SLC17A6: variants seen among roughly 807,000 people sequenced by gnomAD.
The protein encoded by SLC17A6 is vesicular glutamate transporter 2.
A neutral mutation model predicts 67.1 loss-of-function variants in SLC17A6; 35 were observed. The ratio of observed to expected loss-of-function variants is 0.52; its 90% CI spans 0.40 to 0.69. SLC17A6 has a LOEUF of 0.69. Among genes scored for constraint, SLC17A6 ranks in the 30% least tolerant of loss-of-function variants. The pLI, the probability that SLC17A6 is intolerant of heterozygous loss-of-function variation, is 0.00. For missense variants in SLC17A6, 588 were observed against 723.9 expected (o/e 0.81, Z 2.15); for synonymous variants, 285 against 252.3 (o/e 1.13, Z -1.23).
chr11:22,371,811 G>A (rs1012472460), intron 8 of SLC17A6, among the ~76,000 whole-genome samples: 1 of 151,732 alleles, frequency 6.6e-6, no homozygotes, highest in African/African-American at 2.4e-5. Flanking sequence ...CACACAGATT[G>A]GTCTTCAGAT....
rs148006853 is a variant in SLC17A6, at chr11:22,353,732, A to G, written c.459-5681A>G. Among the ~76,000 whole-genome samples, 69 of 152,312 alleles carry G rather than the reference A, an allele frequency of 4.5e-4. 2 individuals are homozygous for G. In the East Asian group the frequency reaches 0.011, roughly 25 times the overall value. On this transcript the variant is annotated intron_variant, in intron 3 of 11. Coordinates refer to ENST00000263160, the MANE Select transcript of SLC17A6 (RefSeq NM_020346.3). ...CATCTTCCATTTTAGCAATGTTTCT[A>G]TTCTACCCTTGCCTCTACCCTCTAT...
intron 3 of SLC17A6, among the ~76,000 whole-genome samples, chr11:22,343,577 C>A (rs956756518): frequency 6.6e-6 from 1 of 152,164 alleles, no homozygotes; most frequent in East Asian, 1.9e-4. Flanking sequence ...CTGGGACCAG[C>A]GCACGCGGCC....
At chr11:22,373,021 TATCTC>T (rs919498888) in intron 8 of SLC17A6, among the ~76,000 whole-genome samples, 6 of 152,306 alleles carry the variant, frequency 3.9e-5, no homozygotes, top group Non-Finnish European at 5.9e-5. Flanking sequence ...GTCTAAAACT[TATCTC>T]ATTAACCCTG....
intron 8 of SLC17A6, among the ~76,000 whole-genome samples, chr11:22,372,191 G>C (rs1856181757): frequency 6.6e-6 from 1 of 151,644 alleles, no homozygotes; most frequent in South Asian, 2.1e-4. Context: ...TAAGTATACT[G>C]ACTTAGTTCA....
At chr11:22,369,390 C>T (rs1001983275) in intron 7 of SLC17A6, among the ~76,000 whole-genome samples, 6 of 151,846 alleles carry the variant, frequency 4.0e-5, no homozygotes, top group African/African-American at 1.5e-4. Context: ...GCCAAAGGTA[C>T]GCTGGGGGTA....
intron 4 of SLC17A6, 51 bp downstream of exon 4, chr11:22,359,578 C>A: frequency 1.8e-6 from 2 of 1,133,766 alleles, no homozygotes; most frequent in South Asian, 1.7e-5. Context: ...TGGTTGAGAA[C>A]CACCAGTTTA....
intron 3 of SLC17A6, among the ~76,000 whole-genome samples, chr11:22,352,706 G>T (rs1372689624): frequency 6.6e-6 from 1 of 152,192 alleles, no homozygotes; most frequent in Non-Finnish European, 1.5e-5. Context: ...GTGATCTACA[G>T]TAGTTTAGCA....
At position 22,343,349 on chromosome 11, in the gene SLC17A6, C is replaced by A. The variant is rs770420321; in HGVS notation, c.442C>A (p.Arg148=). The stretch of plus-strand genomic sequence containing the variant: ...GATTCCGGGAGGCTACATCGCGTCT[C>A]GGCTGGCAGCCAACAGGTAATGCGC... ...TQIPGGYIAS[R]LAANRVFGAA... is the part of the protein sequence containing the mutation. The change falls in exon 3 of 12, where the codon CGG becomes AGG. Residue 148 remains arginine, a synonymous_variant. Transcript: ENST00000263160. 35 of 1,610,886 alleles carry A rather than the reference C, an allele frequency of 2.2e-5. No individual in the cohort carries two copies. Among genetic ancestry groups the A allele is most frequent in the Non-Finnish European group, 2.9e-5 (34 of 1,179,186 alleles).
intron 5 of SLC17A6, chr11:22,362,267 A>G (rs1856061045): frequency 4.1e-5 from 19 of 459,208 alleles, no homozygotes; most frequent in South Asian, 3.4e-4. Flanking sequence ...TATGCCTTCA[A>G]TCATGGATAC....
chr11:22,363,281 A>C, intron 6 of SLC17A6, among the ~76,000 whole-genome samples: 1 of 152,174 alleles, frequency 6.6e-6, no homozygotes, highest in East Asian at 1.9e-4. Flanking sequence ...TGACTATTCA[A>C]TTCCGTAATG....
At chr11:22,340,249 G>C (rs1178528447) in intron 1 of SLC17A6, among the ~76,000 whole-genome samples, 1 of 152,194 alleles carries the variant, frequency 6.6e-6, no homozygotes, top group Non-Finnish European at 1.5e-5. Flanking sequence ...AAAAATATCT[G>C]CAAATTGTAA....
At chr11:22,341,864 C>T (rs899171463) in intron 2 of SLC17A6, 84 bp downstream of exon 2, 17 of 1,539,118 alleles carry the variant, frequency 1.1e-5, no homozygotes, top group Non-Finnish European at 1.4e-5. Context: ...GCCCCGTTCC[C>T]CCGCCACTGA....
chr11:22,343,381 G>T lies in SLC17A6; in HGVS notation c.458+16G>T, dbSNP rs201105080. The T allele has an allele frequency of 3.1e-6, 5 of 1,587,364 alleles. No homozygotes were observed. The highest frequency in any genetic ancestry group is 1.7e-6 in the Non-Finnish European group (2 of 1,164,494). The stretch of plus-strand genomic sequence containing the variant: ...CAGCCAACAGGTAATGCGCCAGGCG[G>T]GACTGGGGCTCGGGGCGTGGTGTTT... On this transcript the variant is annotated intron_variant, in intron 3 of 11. Coordinates refer to ENST00000263160, the MANE Select transcript of SLC17A6 (RefSeq NM_020346.3).
In SLC17A6 at chr11:22,377,843, C is replaced by G; in HGVS notation, c.*103C>G. On this transcript the variant is annotated 3_prime_UTR_variant, in exon 12 of 12. Coordinates refer to ENST00000263160, the MANE Select transcript of SLC17A6 (RefSeq NM_020346.3). Reference sequence around the variant, plus strand: ...GATGTAAACTTGCAAGCATATCAACCAGGCAAGTCTTGCTGTAAAAATGAA... The same window carrying G: ...GATGTAAACTTGCAAGCATATCAACGAGGCAAGTCTTGCTGTAAAAATGAA... 1.1e-6 allele frequency: 1 copy of G among 929,988 alleles called. No individual in the cohort carries two copies. Among genetic ancestry groups the G allele is most frequent in the Non-Finnish European group, 1.6e-6 (1 of 632,870 alleles). 57.6% of individuals were successfully genotyped at this position (929,988 alleles called of 1,614,324 possible). A position where few individuals can be genotyped will look rare whatever the true frequency, so the allele number is the denominator to read the frequency against.
intron 3 of SLC17A6, among the ~76,000 whole-genome samples, chr11:22,346,311 A>T (rs1249229231): frequency 6.6e-6 from 1 of 152,164 alleles, no homozygotes; most frequent in Non-Finnish European, 1.5e-5. Flanking sequence ...AAGAGCAATT[A>T]TTTGGCTTCT....
intron 6 of SLC17A6, among the ~76,000 whole-genome samples, chr11:22,364,529 A>T (rs984373081): frequency 1.3e-5 from 2 of 152,136 alleles, no homozygotes; most frequent in African/African-American, 4.8e-5. Flanking sequence ...ATTATTCTGA[A>T]TTTTTAAGCA....
chr11:22,376,444 G>A (rs979917409), intron 10 of SLC17A6, 101 bp from the exon 11 acceptor site: 1 of 1,312,196 alleles, frequency 7.6e-7, no homozygotes, highest in Non-Finnish European at 1.1e-6. Context: ...CACGTGTTCT[G>A]TACCCAGTAT....
chr11:22,372,936 A>G (rs1257244103), intron 8 of SLC17A6, among the ~76,000 whole-genome samples: 1 of 152,172 alleles, frequency 6.6e-6, no homozygotes, highest in East Asian at 1.9e-4. Context: ...TTTGAGGTCA[A>G]ATACAGAGTA....
At chr11:22,354,954 T>A (rs1855980807) in intron 3 of SLC17A6, among the ~76,000 whole-genome samples, 1 of 152,242 alleles carries the variant, frequency 6.6e-6, no homozygotes, top group Admixed American at 6.5e-5. Context: ...ATGTCAAGCA[T>A]CAGACTAAGT....
Sources: gnomAD v4.1 joint callset for allele counts (sites outside exome capture counted in the v4.1 genomes callset) on GRCh38, gnomAD v4.1.1 for gene constraint, MANE v1.5 for transcripts, NCBI Gene and HGNC (gene_info 2026-07-23, HGNC 2026-07-21) for gene names.